The following GSAP variants were observed in gnomAD, a reference collection of about 807,000 sequenced individuals.
The protein encoded by GSAP is gamma-secretase activating protein, also known as gamma-secretase-activating protein.
Under a neutral mutation model 131.7 loss-of-function variants are expected in GSAP, and 118 were observed. The observed-to-expected ratio is 0.90, with a 90% confidence interval of 0.77 to 1.04. GSAP has a LOEUF of 1.04. Among genes scored for constraint, GSAP ranks in the 50% least tolerant of loss-of-function variants. The pLI, the probability that GSAP is intolerant of heterozygous loss-of-function variation, is 0.00. For missense variants in GSAP, 1,019 were observed against 1,013.2 expected (o/e 1.01, Z -0.08); for synonymous variants, 381 against 363.4 (o/e 1.05, Z -0.55).
chr7:77,358,813 A>T (rs1307250153), intron 14 of GSAP, among the ~76,000 whole-genome samples: 2 of 152,226 alleles, frequency 1.3e-5, no homozygotes, highest in Non-Finnish European at 2.9e-5. Context: ...ATACTAGAAC[A>T]AAACCTCTAA....
At chr7:77,317,366 G>A (rs760646195) in intron 26 of GSAP, among the ~76,000 whole-genome samples, 3 of 146,612 alleles carry the variant, frequency 2.0e-5, no homozygotes, top group East Asian at 2.1e-4. Context: ...ATCACACACT[G>A]GGGCCTGTCG....
chr7:77,363,913 ATAAT>A (rs1794894922), intron 12 of GSAP, among the ~76,000 whole-genome samples: 1 of 152,170 alleles, frequency 6.6e-6, no homozygotes, highest in Non-Finnish European at 1.5e-5. Context: ...TATAAACAAA[ATAAT>A]AATTATAAGA....
chr7:77,376,784 AAAAAAAAAAAAG>A, intron 10 of GSAP, 52 bp downstream of exon 10: 6 of 782,620 alleles, frequency 7.7e-6, no homozygotes, highest in Admixed American at 5.8e-5. Flanking sequence ...TCAAAAAAAA[AAAAAAAAAAAAG>A]AGAGTAATGT....
chr7:77,350,205 T>C (rs1029440159), intron 18 of GSAP, among the ~76,000 whole-genome samples: 12 of 134,284 alleles, frequency 8.9e-5, no homozygotes, highest in African/African-American at 2.8e-4. Context: ...TTCTCACTCA[T>C]AGATGGGAAC....
intron 29 of GSAP, 61 bp downstream of exon 29, chr7:77,312,040 T>C: frequency 1.6e-6 from 2 of 1,230,274 alleles, no homozygotes; most frequent in Non-Finnish European, 1.2e-6. Flanking sequence ...TACAGATATG[T>C]TGTCACGGGC....
Position 77,360,877 on chromosome 7 carries a change from G to T in GSAP, c.974C>A (p.Ser325Tyr). ...HKGHSKTFTT[S>Y]LENVGSHMTK... ...CATGTGTGACCCAACATTCTCAAGA[G>T]AAGTGGTGAAGGTCTTGCTGTGTCC... The change falls in exon 14 of 31, where the codon TCT becomes TAT. Residue 325 changes from serine (S) to tyrosine (Y), a missense_variant. Transcript: ENST00000257626. The T allele has an allele frequency of 6.2e-7, 1 of 1,602,080 alleles. No individual in the cohort carries two copies. The highest frequency in any genetic ancestry group is 8.6e-7 in the Non-Finnish European group (1 of 1,169,348).
intron 23 of GSAP, among the ~76,000 whole-genome samples, chr7:77,325,094 G>A (rs1195651199): frequency 6.6e-6 from 1 of 152,096 alleles, no homozygotes; most frequent in African/African-American, 2.4e-5. Context: ...GGGATAACAG[G>A]TGTGAGCAAC....
intron 21 of GSAP, among the ~76,000 whole-genome samples, chr7:77,329,069 A>G (rs1023282880): frequency 6.6e-6 from 1 of 152,232 alleles, no homozygotes; most frequent in Non-Finnish European, 1.5e-5. Flanking sequence ...TGCTAATAGG[A>G]AATTTCTTTA....
intron 19 of GSAP, among the ~76,000 whole-genome samples, chr7:77,339,007 T>C (rs1210003425): frequency 4.6e-5 from 7 of 152,040 alleles, no homozygotes; most frequent in Non-Finnish European, 7.4e-5. Flanking sequence ...TCAGAGTAAA[T>C]AGGGGTACCT....
At position 77,376,794 on chromosome 7, in the gene GSAP, A is replaced by AT; in HGVS notation, c.741+53_741+54insA. On this transcript the variant is annotated intron_variant, in intron 10 of 30. Transcript: ENST00000257626. ...CCATCTCAAAAAAAAAAAAAAAAAA[A>AT]AGAGAGTAATGTATCATAAACTTTC... is the stretch of plus-strand genomic sequence containing the variant. 4.4e-6 allele frequency: 3 copies of AT among 684,616 alleles called. No individual in the cohort carries two copies. In the African/African-American group the frequency reaches 5.7e-5, roughly 13 times the overall value. 42.4% of individuals were successfully genotyped at this position (684,616 alleles called of 1,614,324 possible).
rs1563049402 is a variant in GSAP, at chr7:77,369,901, C to CTTTTT, written c.871+4168_871+4169insAAAAA. Among the ~76,000 whole-genome samples the CTTTTT allele has an allele frequency of 6.8e-4, 83 of 121,944 alleles. 1 individual carries two copies. The East Asian group carries it at 0.017, about 25-fold the overall frequency. 80.0% of individuals were successfully genotyped at this position (121,944 alleles called of 152,430 possible). ...ATCTGGAAGCATCTCATTTGAAACA[C>CTTTTT]GTTTTTTTATTTTTTCAAAGCTGAT... On this transcript the variant is annotated intron_variant, in intron 12 of 30. Transcript: ENST00000257626.
chr7:77,402,411 A>T (rs12704942), intron 3 of GSAP, among the ~76,000 whole-genome samples: 78,705 of 135,730 alleles, frequency 0.58, 22,437 homozygotes, highest in South Asian at 0.61. Flanking sequence ...AGAAAAAAAA[A>T]ATATATATAT....
intron 14 of GSAP, among the ~76,000 whole-genome samples, chr7:77,358,773 T>C (rs1794119900): frequency 6.6e-6 from 1 of 152,234 alleles, no homozygotes. Flanking sequence ...TCATTTTCTC[T>C]CAGTTTATTC....
At chr7:77,360,699 C>T (rs1203857788) in intron 14 of GSAP, 125 bp downstream of exon 14, 4 of 598,968 alleles carry the variant, frequency 6.7e-6, no homozygotes, top group Non-Finnish European at 1.2e-5. Flanking sequence ...TCAAGTGGGT[C>T]ATTGATTGTC....
At chr7:77,365,857 T>C (rs571173932) in intron 12 of GSAP, among the ~76,000 whole-genome samples, 15 of 151,566 alleles carry the variant, frequency 9.9e-5, no homozygotes, top group Non-Finnish European at 2.1e-4. Context: ...CAACAGTGTA[T>C]AAGTCTTCCC....
rs1788064959 is a variant in GSAP, at chr7:77,324,514, T to C, written c.1828-772A>G. On this transcript the variant is annotated intron_variant, in intron 23 of 30. Transcript: ENST00000257626. ...ACAGCTTATATCACCCATGCACACA[T>C]CTTCTATTTTAGCAGGTTCACATTA... Among the ~76,000 whole-genome samples the C allele has an allele frequency of 7.2e-5, 11 of 152,286 alleles. No individual in the cohort carries two copies. The South Asian group carries it at 2.3e-3, about 32-fold the overall frequency.
chr7:77,353,716 T>C, intron 16 of GSAP, 75 bp from the exon 17 acceptor site: 1 of 851,194 alleles, frequency 1.2e-6, no homozygotes, highest in East Asian at 2.5e-5. Flanking sequence ...AGTACAAATA[T>C]ACATGAATCT....
chr7:77,334,579 T>TAAAAAAAAA lies in GSAP; in HGVS notation c.1546-4213_1546-4212insTTTTTTTTT, dbSNP rs1200040086. Among the ~76,000 whole-genome samples, 148 of 82,366 alleles carry TAAAAAAAAA rather than the reference T, an allele frequency of 1.8e-3. 8 individuals carry two copies. The highest frequency in any genetic ancestry group is 4.6e-3 in the African/African-American group (94 of 20,398). The allele number at this position is 82,366 out of a possible 152,430, so 54.0% of individuals were successfully genotyped here. ...GCCCATGTATCCTGGAACTTAAAAT[T>TAAAAAAAAA]TAAAAAAAAAAAAAAAAAAAAAAAA... On this transcript the variant is annotated intron_variant, in intron 19 of 30. Coordinates refer to ENST00000257626, the MANE Select transcript of GSAP (RefSeq NM_017439.4).
chr7:77,363,860 T>A (rs1794886393), intron 12 of GSAP, among the ~76,000 whole-genome samples: 1 of 152,156 alleles, frequency 6.6e-6, no homozygotes, highest in Non-Finnish European at 1.5e-5. Flanking sequence ...CAATTACAGC[T>A]GACTCATGAC....
Sources: gnomAD v4.1 joint callset for allele counts (sites outside exome capture counted in the v4.1 genomes callset) on GRCh38, gnomAD v4.1.1 for gene constraint, MANE v1.5 for transcripts, NCBI Gene and HGNC (gene_info 2026-07-23, HGNC 2026-07-21) for gene names.